PLA2G4A: variants seen among roughly 807,000 people sequenced by gnomAD.
PLA2G4A encodes phospholipase A2 group IVA.
In PLA2G4A, 40 loss-of-function variants were observed where a neutral mutation model predicts 81.9. The observed-to-expected ratio is 0.49, with a 90% CI of 0.38 to 0.64. The LOEUF (loss-of-function observed/expected upper bound fraction) is 0.64, where lower values mean the gene tolerates loss of function less well. Among genes scored for constraint, PLA2G4A ranks in the 30% least tolerant of loss-of-function variants. PLA2G4A has a pLI of 0.00. For synonymous variants in PLA2G4A, 302 were observed against 296.9 expected (o/e 1.02, Z -0.18); for missense variants, 715 against 905.1 (o/e 0.79, Z 2.69).
intron 15 of PLA2G4A, among the ~76,000 whole-genome samples, chr1:186,967,316 T>C (rs1356778051): frequency 6.7e-6 from 1 of 148,358 alleles, no homozygotes; most frequent in Non-Finnish European, 1.5e-5. Context: ...ATCAACAAAT[T>C]AAATAATATG....
chr1:186,879,073 A>G (rs1653630830), intron 3 of PLA2G4A, among the ~76,000 whole-genome samples: 1 of 151,926 alleles, frequency 6.6e-6, no homozygotes, highest in South Asian at 2.1e-4. Flanking sequence ...AGAGACTGAA[A>G]TGATGGATTA....
chr1:186,832,311 T>A (rs548125584), intron 1 of PLA2G4A, among the ~76,000 whole-genome samples: 1 of 152,230 alleles, frequency 6.6e-6, no homozygotes, highest in South Asian at 2.1e-4. Flanking sequence ...CTAAAAAAAA[T>A]TTTATTACTT....
intron 7 of PLA2G4A, among the ~76,000 whole-genome samples, chr1:186,923,317 G>T (rs970461505): frequency 1.3e-5 from 2 of 152,210 alleles, no homozygotes; most frequent in African/African-American, 4.8e-5. Context: ...GTGTGTGTAT[G>T]TGTGTTTCTT....
intron 1 of PLA2G4A, among the ~76,000 whole-genome samples, chr1:186,846,684 G>A (rs866376411): frequency 3.3e-5 from 5 of 151,794 alleles, no homozygotes; most frequent in African/African-American, 9.7e-5. Context: ...ATGTTACATC[G>A]CTCACATTTA....
At chr1:186,905,036 G>C (rs1558421536) in intron 5 of PLA2G4A, among the ~76,000 whole-genome samples, 2 of 152,084 alleles carry the variant, frequency 1.3e-5, no homozygotes, top group African/African-American at 4.8e-5. Flanking sequence ...TGTATTTTTA[G>C]TAGAGATGGG....
intron 14 of PLA2G4A, among the ~76,000 whole-genome samples, chr1:186,958,076 T>C (rs1428060109): frequency 6.6e-6 from 1 of 152,188 alleles, no homozygotes; most frequent in Non-Finnish European, 1.5e-5. Flanking sequence ...TTTCTATTTG[T>C]TGCTTGACCC....
At chr1:186,944,135 A>C (rs973413236) in intron 10 of PLA2G4A, among the ~76,000 whole-genome samples, 1 of 152,126 alleles carries the variant, frequency 6.6e-6, no homozygotes, top group African/African-American at 2.4e-5. Context: ...TGGCCCGGGA[A>C]GAAGGGTGAT....
chr1:186,918,069 T>G (rs566970677), intron 7 of PLA2G4A, among the ~76,000 whole-genome samples: 1 of 152,294 alleles, frequency 6.6e-6, no homozygotes, highest in Non-Finnish European at 1.5e-5. Flanking sequence ...TTCATCCTCC[T>G]TTTATTACTT....
chr1:186,949,789 A>C (rs999215693), intron 12 of PLA2G4A, among the ~76,000 whole-genome samples: 1 of 152,026 alleles, frequency 6.6e-6, no homozygotes, highest in African/African-American at 2.4e-5. Context: ...TGGGAGGCCA[A>C]GGAAGGATGA....
chr1:186,899,450 C>T (rs1006701485), intron 5 of PLA2G4A, among the ~76,000 whole-genome samples: 3 of 152,084 alleles, frequency 2.0e-5, no homozygotes, highest in African/African-American at 7.2e-5. Flanking sequence ...GTGGTTGGGT[C>T]TCTAAAGGGG....
chr1:186,840,838 G>C (rs901963119), intron 1 of PLA2G4A, among the ~76,000 whole-genome samples: 2 of 152,146 alleles, frequency 1.3e-5, no homozygotes, highest in African/African-American at 2.4e-5. Context: ...CTTAAAAAAG[G>C]CAGCAATGGC....
intron 12 of PLA2G4A, among the ~76,000 whole-genome samples, chr1:186,950,277 GT>G (rs1337460621): frequency 2.0e-5 from 3 of 151,982 alleles, no homozygotes; most frequent in African/African-American, 7.3e-5. Flanking sequence ...GTAGATTTTG[GT>G]TTTATCCTTT....
At chr1:186,885,611 C>A (rs1653908460) in intron 3 of PLA2G4A, among the ~76,000 whole-genome samples, 1 of 151,952 alleles carries the variant, frequency 6.6e-6, no homozygotes, top group South Asian at 2.1e-4. Flanking sequence ...GATCAAGAAA[C>A]AAACAGATCC....
intron 1 of PLA2G4A, among the ~76,000 whole-genome samples, chr1:186,831,365 C>T (rs1651582317): frequency 6.6e-6 from 1 of 152,136 alleles, no homozygotes; most frequent in African/African-American, 2.4e-5. Flanking sequence ...CTCCAAGCAA[C>T]TTGGTATAAT....
chr1:186,939,832 C>T, intron 9 of PLA2G4A, 148 bp from the exon 10 acceptor site: 1 of 580,454 alleles, frequency 1.7e-6, no homozygotes, highest in Non-Finnish European at 3.1e-6. Flanking sequence ...TTTTGTTGTT[C>T]ATTCAGGACC....
At chr1:186,965,682 A>C in intron 15 of PLA2G4A, 89 bp downstream of exon 15, 1 of 904,974 alleles carries the variant, frequency 1.1e-6, no homozygotes, top group Non-Finnish European at 1.9e-6. Context: ...CCAGTTTCTT[A>C]TTCCTTTAAT....
intron 16 of PLA2G4A, 68 bp downstream of exon 16, chr1:186,977,856 GT>G: frequency 1.0e-6 from 1 of 980,626 alleles, no homozygotes; most frequent in South Asian, 1.3e-5. Flanking sequence ...ACATTAAACT[GT>G]TTCACTCTGT....
At chr1:186,951,900 CT>C (rs1220282910) in intron 13 of PLA2G4A, among the ~76,000 whole-genome samples, 1 of 152,124 alleles carries the variant, frequency 6.6e-6, no homozygotes, top group African/African-American at 2.4e-5. Flanking sequence ...ATTTGCCCCC[CT>C]ATCCTGCTGC....
intron 3 of PLA2G4A, among the ~76,000 whole-genome samples, chr1:186,880,613 A>G (rs1056978086): frequency 6.6e-6 from 1 of 152,004 alleles, no homozygotes; most frequent in African/African-American, 2.4e-5. Flanking sequence ...AAGGTTAAGA[A>G]TCTCTTTTTA....
Sources: gnomAD v4.1 joint callset for allele counts (sites outside exome capture counted in the v4.1 genomes callset) on GRCh38, gnomAD v4.1.1 for gene constraint, MANE v1.5 for transcripts, NCBI Gene and HGNC (gene_info 2026-07-23, HGNC 2026-07-21) for gene names.